Variants in DNAI3 observed in about 807,000 individuals in gnomAD.
The protein encoded by DNAI3 is WD repeat domain 63.
DNAI3 carries 83 observed loss-of-function variants against 115.5 expected under a neutral mutation model. The observed-to-expected ratio is 0.72, with a 90% CI of 0.60 to 0.86. DNAI3 has a LOEUF of 0.86. Among genes scored for constraint, DNAI3 ranks in the 40% least tolerant of loss-of-function variants. The probability of loss-of-function intolerance (pLI) is 0.00; values close to 1 mark genes in which losing one functional copy is unlikely to be tolerated. For missense variants in DNAI3, 1,004 were observed against 1,075.8 expected, an observed-to-expected ratio of 0.93 and a Z score of 0.93; for synonymous variants, 320 against 347.0, an observed-to-expected ratio of 0.92 and a Z score of 0.86.
intron 18 of DNAI3, 82 bp from the exon 19 acceptor site, chr1:85,124,039 C>A: frequency 1.3e-6 from 2 of 1,575,792 alleles, no homozygotes; most frequent in Non-Finnish European, 1.7e-6. Flanking sequence ...CCCTGTCTGT[C>A]CATTGGAGGT....
At chr1:85,111,978 C>A (rs917109278) in intron 16 of DNAI3, among the ~76,000 whole-genome samples, 1 of 152,176 alleles carries the variant, frequency 6.6e-6, no homozygotes, top group Non-Finnish European at 1.5e-5. Context: ...CACTCCCAGG[C>A]CACAACGGAT....
intron 2 of DNAI3, among the ~76,000 whole-genome samples, chr1:85,072,681 C>T (rs1654315649): frequency 6.8e-6 from 1 of 146,412 alleles, no homozygotes; most frequent in Non-Finnish European, 1.5e-5. Context: ...ATTGGCCGGG[C>T]ACAGTGGCTC....
At chr1:85,072,661 T>TAA (rs34626078) in intron 2 of DNAI3, among the ~76,000 whole-genome samples, 1 of 128,848 alleles carries the variant, frequency 7.8e-6, no homozygotes, top group East Asian at 2.5e-4. Flanking sequence ...AAAAGAAAAA[T>TAA]AAAAAAAAGA....
intron 5 of DNAI3, among the ~76,000 whole-genome samples, chr1:85,082,856 C>T (rs1000757093): frequency 2.0e-5 from 3 of 152,118 alleles, no homozygotes; most frequent in East Asian, 3.8e-4. Context: ...TCGTTGACCT[C>T]GTGAGAGAGG....
intron 3 of DNAI3, among the ~76,000 whole-genome samples, chr1:85,079,773 G>T (rs930212152): frequency 2.0e-5 from 3 of 152,112 alleles, no homozygotes; most frequent in South Asian, 2.1e-4. Flanking sequence ...GGCCTGAGGC[G>T]CAAAGAAGGG....
chr1:85,068,790 A>G (rs1654176548), intron 1 of DNAI3, among the ~76,000 whole-genome samples: 1 of 152,210 alleles, frequency 6.6e-6, no homozygotes, highest in African/African-American at 2.4e-5. Context: ...CCAATCAGGC[A>G]GAGAATCCCT....
chr1:85,131,529 A>G (rs892284048), intron 22 of DNAI3, among the ~76,000 whole-genome samples: 1 of 151,920 alleles, frequency 6.6e-6, no homozygotes, highest in African/African-American at 2.4e-5. Context: ...ATTATCACTC[A>G]TTGATAAATA....
intron 16 of DNAI3, among the ~76,000 whole-genome samples, chr1:85,115,001 A>G (rs756178008): frequency 5.3e-5 from 8 of 152,238 alleles, no homozygotes; most frequent in South Asian, 2.1e-4. Flanking sequence ...CCTCTGTTGG[A>G]ATAGCCTTTA....
chr1:85,075,552 T>C (rs1654426177), intron 3 of DNAI3, among the ~76,000 whole-genome samples: 1 of 152,100 alleles, frequency 6.6e-6, no homozygotes. Flanking sequence ...GACTTCCTCA[T>C]GGTGGGCCCT....
At chr1:85,075,892 A>G (rs1005115522) in intron 3 of DNAI3, among the ~76,000 whole-genome samples, 6 of 152,208 alleles carry the variant, frequency 3.9e-5, no homozygotes, top group South Asian at 2.1e-4. Flanking sequence ...AGTTAGTGGT[A>G]TATGAGTTGC....
In DNAI3 at chr1:85,075,251, A is replaced by G. The variant is rs1286568338; in HGVS notation, c.103+2159A>G. ...TTATCTGTCTCTCTGTCTAGATTGG[A>G]TACCCTGGCACTAGCATCATGCTTT... On this transcript the variant is annotated intron_variant, in intron 3 of 22. Coordinates refer to ENST00000294664, the MANE Select transcript of DNAI3 (RefSeq NM_145172.5). Among the ~76,000 whole-genome samples, 3 of 152,122 alleles carry G rather than the reference A, an allele frequency of 2.0e-5. No homozygotes were observed. In the East Asian group the frequency reaches 5.8e-4, roughly 29 times the overall value.
intron 17 of DNAI3, among the ~76,000 whole-genome samples, 199 bp downstream of exon 17, chr1:85,118,058 G>A (rs17380775): frequency 0.015 from 2,305 of 152,174 alleles, 26 homozygotes; most frequent in Non-Finnish European, 0.024. Context: ...AACGTATGTG[G>A]ACAAATCTGT....
chr1:85,126,356 C>T (rs1486037579), intron 19 of DNAI3, among the ~76,000 whole-genome samples, 155 bp from the exon 20 acceptor site: 1 of 152,184 alleles, frequency 6.6e-6, no homozygotes, highest in East Asian at 1.9e-4. Context: ...TATATAAAAA[C>T]CCTACAACAA....
chr1:85,105,942 T>C (rs1655477751), intron 14 of DNAI3, among the ~76,000 whole-genome samples: 1 of 152,152 alleles, frequency 6.6e-6, no homozygotes, highest in Non-Finnish European at 1.5e-5. Context: ...ACGGGGTGGT[T>C]CCCCAAAGAA....
intron 13 of DNAI3, chr1:85,099,269 T>C (rs1241690685): frequency 1.0e-6 from 1 of 985,240 alleles, no homozygotes; most frequent in South Asian, 4.7e-5. Flanking sequence ...ACTATGTACT[T>C]TGAATAATTA....
intron 1 of DNAI3, among the ~76,000 whole-genome samples, chr1:85,066,755 A>G (rs1407393383): frequency 1.3e-5 from 2 of 152,244 alleles, no homozygotes; most frequent in Non-Finnish European, 2.9e-5. Context: ...AGCTTTTAAT[A>G]TGCAACTTAA....
In DNAI3 at chr1:85,097,581, G is replaced by T; in HGVS notation, c.1276G>T (p.Asp426Tyr). Reference protein sequence around the residue: ...GCINGQIVMWDITAHADRIEN... With the variant: ...GCINGQIVMWYITAHADRIEN... ...ATTTCCATTTTAGATTGTCATGTGG[G>T]ATATCACCGCACATGCAGATCGCAT... The change falls in exon 12 of 23, where the codon GAT (aspartate) becomes TAT (tyrosine). Residue 426 changes from aspartate to tyrosine, a missense_variant. Asp to Tyr is a radical substitution (Grantham distance 160). Transcript: ENST00000294664. 6 of 1,610,896 alleles carry T rather than the reference G, an allele frequency of 3.7e-6. No homozygotes were observed. The highest frequency in any genetic ancestry group is 5.1e-6 in the Non-Finnish European group (6 of 1,178,962).
At position 85,108,050 on chromosome 1, in the gene DNAI3, A is replaced by G; in HGVS notation, c.1571A>G (p.Asp524Gly). 1 of 1,587,516 alleles carries G rather than the reference A, an allele frequency of 6.3e-7. No individual in the cohort carries two copies. Among genetic ancestry groups the G allele is most frequent in the Non-Finnish European group, 8.5e-7 (1 of 1,170,838 alleles). ...TTTTTTAGCACAATATGTTTTTGGGATATTAGACCACAGAAACCTTTAACC... is the reference window on the plus strand; with the variant it reads ...TTTTTTAGCACAATATGTTTTTGGGGTATTAGACCACAGAAACCTTTAACC... The part of the protein sequence containing the change: ...CSADCTICFW[D>G]IRPQKPLTPQ... Residue 524 changes from aspartate to glycine, a missense_variant, in exon 15 of 23, where the codon GAT becomes GGT. Physicochemically the swap from Asp to Gly is moderately conservative, Grantham distance 94. This residue lies in a region of DNAI3 where 429 missense variants were observed against 454.3 expected (regional missense o/e 0.94). Transcript: ENST00000294664.
chr1:85,124,142 A>G lies in DNAI3; in HGVS notation c.2003A>G (p.His668Arg). 1 of 1,614,200 alleles carries G rather than the reference A, an allele frequency of 6.2e-7. No individual in the cohort carries two copies. The highest frequency in any genetic ancestry group is 8.5e-7 in the Non-Finnish European group (1 of 1,180,026). The change falls in exon 19 of 23, where the codon CAC becomes CGC. Residue 668 changes from histidine to arginine, a missense_variant. His to Arg is a conservative substitution (Grantham distance 29, BLOSUM62 0). This residue lies in a region of DNAI3 where 429 missense variants were observed against 454.3 expected (regional missense o/e 0.94). Coordinates refer to ENST00000294664, the MANE Select transcript of DNAI3 (RefSeq NM_145172.5). ...RLMSKKPVSH[H>R]TIHDGTVHTI... ...ATAGCAAAGAAGCCAGTGAGCCACCACACCATTCACGACGGAACTGTCCAC... is the reference window on the plus strand; with the variant it reads ...ATAGCAAAGAAGCCAGTGAGCCACCGCACCATTCACGACGGAACTGTCCAC...
Sources: gnomAD v4.1 joint callset for allele counts (sites outside exome capture counted in the v4.1 genomes callset) on GRCh38, gnomAD v4.1.1 for gene constraint, gnomAD v4.1.1 regional missense constraint, MANE v1.5 for transcripts, NCBI Gene and HGNC (gene_info 2026-07-23, HGNC 2026-07-21) for gene names.